VWA3B: variants seen among roughly 807,000 people sequenced by gnomAD.
The protein encoded by VWA3B is von Willebrand factor A domain containing 3B.
A neutral mutation model predicts 158.3 loss-of-function variants in VWA3B; 138 were observed. The ratio of observed to expected loss-of-function variants is 0.87; its 90% CI spans 0.76 to 1.00. The LOEUF (loss-of-function observed/expected upper bound fraction) is 1.00, where lower values mean the gene tolerates loss of function less well. Among genes scored for constraint, VWA3B ranks in the 50% least tolerant of loss-of-function variants. VWA3B has a pLI of 0.00. For synonymous variants in VWA3B, 596 were observed against 587.3 expected (o/e 1.01, Z -0.21); for missense variants, 1,555 against 1,565.1 (o/e 0.99, Z 0.11).
intron 15 of VWA3B, among the ~76,000 whole-genome samples, chr2:98,229,151 AT>A (rs1464079011): frequency 4.6e-5 from 7 of 152,350 alleles, no homozygotes; most frequent in Non-Finnish European, 8.8e-5. Flanking sequence ...TTATGGCATT[AT>A]TTTTTAAGTA....
At chr2:98,313,726 G>T (rs146204383), downstream of VWA3B, among the ~76,000 whole-genome samples, 1 of 152,224 alleles carries the variant, frequency 6.6e-6, no homozygotes, top group African/African-American at 2.4e-5. Flanking sequence ...TACCCATCTC[G>T]CTCTCTTCGT....
the VWA3B span, among the ~76,000 whole-genome samples, chr2:98,321,884 T>A: frequency 1.3e-5 from 2 of 152,150 alleles, no homozygotes; most frequent in Non-Finnish European, 2.9e-5. Context: ...CATCTTGAAT[T>A]TTAGCTCCCA....
At chr2:98,218,091 C>T in intron 14 of VWA3B, 63 bp downstream of exon 14, 1 of 1,499,210 alleles carries the variant, frequency 6.7e-7, no homozygotes, top group Non-Finnish European at 8.9e-7. Context: ...GCTGGCGGTC[C>T]CTGGGTAATA....
Position 98,260,313 on chromosome 2 carries a change from G to A in VWA3B, c.2843+4139G>A, listed in dbSNP as rs978265049. 3.3e-5 allele frequency among the ~76,000 whole-genome samples: 5 copies of A among 151,300 alleles called. No homozygotes were observed. The East Asian group carries it at 7.7e-4, about 23-fold the overall frequency. ...TGTTTTATCCATTATCTAAAGTGAGGCGTTGAAGTCTCCAACTATTTTTAC... is the reference window on the plus strand; with the variant it reads ...TGTTTTATCCATTATCTAAAGTGAGACGTTGAAGTCTCCAACTATTTTTAC... On this transcript the variant is annotated intron_variant, in intron 21 of 27. Coordinates refer to ENST00000477737, the MANE Select transcript of VWA3B (RefSeq NM_144992.5).
chr2:98,130,292 A>G (rs1349119569), intron 6 of VWA3B, among the ~76,000 whole-genome samples: 2 of 152,160 alleles, frequency 1.3e-5, no homozygotes, highest in Non-Finnish European at 1.5e-5. Flanking sequence ...GGAATATACA[A>G]TCGGGCTTTA....
At chr2:98,229,839 G>A (rs893394887) in intron 15 of VWA3B, among the ~76,000 whole-genome samples, 5 of 152,138 alleles carry the variant, frequency 3.3e-5, no homozygotes, top group Non-Finnish European at 5.9e-5. Flanking sequence ...GAAGTGAGCT[G>A]TATCTTCTGA....
chr2:98,280,242 C>T (rs905560125), intron 22 of VWA3B, among the ~76,000 whole-genome samples: 3 of 152,112 alleles, frequency 2.0e-5, no homozygotes, highest in Admixed American at 2.0e-4. Context: ...CCTGAGATGA[C>T]GTTGCAGGTT....
At chr2:98,135,630 C>T (rs1202701766) in intron 7 of VWA3B, among the ~76,000 whole-genome samples, 1 of 152,108 alleles carries the variant, frequency 6.6e-6, no homozygotes, top group Non-Finnish European at 1.5e-5. Context: ...CCACCGCGCC[C>T]GGCCAAAAAC....
intron 6 of VWA3B, among the ~76,000 whole-genome samples, chr2:98,132,589 C>T (rs1675962023): frequency 6.6e-6 from 1 of 152,218 alleles, no homozygotes; most frequent in Admixed American, 6.5e-5. Flanking sequence ...AAATTTCTGC[C>T]CTGCTCCCTT....
chr2:98,317,164 G>T (rs1376490452), downstream of VWA3B, among the ~76,000 whole-genome samples: 3 of 152,176 alleles, frequency 2.0e-5, no homozygotes, highest in African/African-American at 7.2e-5. Context: ...TACAAAAGTA[G>T]ACTGGAACAT....
chr2:98,170,848 G>A (rs529017463), intron 8 of VWA3B, among the ~76,000 whole-genome samples: 81 of 152,012 alleles, frequency 5.3e-4, no homozygotes, highest in African/African-American at 1.8e-3. Flanking sequence ...CTCATGATCC[G>A]CCTGCCTCAG....
chr2:98,281,356 C>T (rs1574270838), intron 22 of VWA3B, among the ~76,000 whole-genome samples: 1 of 152,142 alleles, frequency 6.6e-6, no homozygotes, highest in East Asian at 1.9e-4. Flanking sequence ...CCTGTCTGAA[C>T]CTACACACAT....
chr2:98,305,265 T>C (rs942628727), intron 26 of VWA3B, among the ~76,000 whole-genome samples: 2 of 152,220 alleles, frequency 1.3e-5, no homozygotes, highest in South Asian at 2.1e-4. Flanking sequence ...TCTCCTGTGC[T>C]TGTGTGTCAC....
chr2:98,195,910 A>G (rs1244302381), intron 12 of VWA3B, among the ~76,000 whole-genome samples: 2 of 152,244 alleles, frequency 1.3e-5, no homozygotes, highest in Non-Finnish European at 2.9e-5. Flanking sequence ...TGGCATATAT[A>G]CACAATGGAA....
At chr2:98,133,965 G>A (rs757637473) in intron 7 of VWA3B, 26 bp downstream of exon 7, 4 of 1,597,184 alleles carry the variant, frequency 2.5e-6, no homozygotes, top group Middle Eastern at 1.7e-4. Flanking sequence ...AAGAAGTGGT[G>A]TAGCTTATGT....
At chr2:98,302,350 G>A (rs533506590) in intron 25 of VWA3B, among the ~76,000 whole-genome samples, 7 of 152,298 alleles carry the variant, frequency 4.6e-5, no homozygotes, top group South Asian at 2.1e-4. Flanking sequence ...CAGAGACCAC[G>A]TCTGTTCACC....
At chr2:98,207,277 G>T in intron 12 of VWA3B, 4 of 500,396 alleles carry the variant, frequency 8.0e-6, no homozygotes, top group Non-Finnish European at 1.2e-5. Flanking sequence ...TGCTCATTTG[G>T]ATGCCACCAC....
intron 6 of VWA3B, among the ~76,000 whole-genome samples, chr2:98,129,224 A>AGTGTGTGTGT (rs1228441504): frequency 7.5e-4 from 93 of 124,640 alleles, no homozygotes; most frequent in East Asian, 5.9e-3. Flanking sequence ...AGAGAGAGAG[A>AGTGTGTGTGT]GTGTGTGTGT....
chr2:98,101,827 CTT>C (rs759407304), intron 2 of VWA3B, among the ~76,000 whole-genome samples: 3 of 130,658 alleles, frequency 2.3e-5, no homozygotes, highest in Non-Finnish European at 1.7e-5. Flanking sequence ...TCCCATCTTT[CTT>C]TTTTTTTTTT....
Sources: gnomAD v4.1 joint callset for allele counts (sites outside exome capture counted in the v4.1 genomes callset) on GRCh38, gnomAD v4.1.1 for gene constraint, MANE v1.5 for transcripts, NCBI Gene and HGNC (gene_info 2026-07-23, HGNC 2026-07-21) for gene names.